The following CCDC66 variants were observed in gnomAD, a reference collection of about 807,000 sequenced individuals.
The protein encoded by CCDC66 is coiled-coil domain-containing protein 66.
Under a neutral mutation model 128.3 loss-of-function variants are expected in CCDC66, and 133 were observed. The ratio of observed to expected loss-of-function variants is 1.04; its 90% confidence interval spans 0.90 to 1.20. The LOEUF (loss-of-function observed/expected upper bound fraction) is 1.20, where lower values mean the gene tolerates loss of function less well. Ranked by LOEUF, CCDC66 falls within the 50% of genes most tolerant of loss-of-function variation. The pLI is 0.00. For synonymous variants in CCDC66, 387 were observed against 357.0 expected (o/e 1.08, Z -0.95); for missense variants, 1,126 against 1,075.5 (o/e 1.05, Z -0.66).
intron 10 of CCDC66, among the ~76,000 whole-genome samples, chr3:56,612,886 T>C (rs2075037496): frequency 6.6e-6 from 1 of 152,170 alleles, no homozygotes; most frequent in Non-Finnish European, 1.5e-5. Context: ...CAAGGTGTTG[T>C]GTGCAGTGCT....
intron 10 of CCDC66, among the ~76,000 whole-genome samples, chr3:56,599,979 G>T (rs1483144743): frequency 1.3e-5 from 2 of 151,988 alleles, no homozygotes; most frequent in Non-Finnish European, 2.9e-5. Flanking sequence ...ATGGTTTCCA[G>T]CTTCATCCAT....
At chr3:56,576,914 A>G (rs1200044144) in intron 7 of CCDC66, among the ~76,000 whole-genome samples, 1 of 151,824 alleles carries the variant, frequency 6.6e-6, no homozygotes, top group East Asian at 2.0e-4. Flanking sequence ...AGCATGATTT[A>G]TAATCCTTTG....
chr3:56,621,496 C>T, intron 17 of CCDC66, 36 bp from the exon 18 acceptor site: 1 of 1,336,106 alleles, frequency 7.5e-7, no homozygotes, highest in Middle Eastern at 1.9e-4. Context: ...CAGGTGTGCA[C>T]ATTTTACTAA....
At chr3:56,590,944 T>C (rs1332887167) in intron 7 of CCDC66, among the ~76,000 whole-genome samples, 6 of 152,122 alleles carry the variant, frequency 3.9e-5, no homozygotes, top group South Asian at 2.1e-4. Context: ...GTCAAAACAA[T>C]TGTTACAGTG....
At position 56,617,101 on chromosome 3, in the gene CCDC66, CTTT is replaced by C. The variant is rs576848832; in HGVS notation, c.1844-5_1844-3del. ...TACAATTTTTAAAAATCATTTGCAA[CTTT>C]TTTTTAGATGACTTAAATATAGGAA... is the stretch of plus-strand genomic sequence containing the variant. On this transcript the variant is annotated splice_region_variant and splice_polypyrimidine_tract_variant and intron_variant, in intron 13 of 17. Transcript: ENST00000394672. The C allele has an allele frequency of 1.3e-6, 2 of 1,494,478 alleles. No homozygotes were observed. Among genetic ancestry groups the C allele is most frequent in the East Asian group, 2.4e-5 (1 of 42,018 alleles). The allele number at this position is 1,494,478 out of a possible 1,614,324, so 92.6% of individuals were successfully genotyped here.
chr3:56,607,623 C>T (rs1354638610), intron 10 of CCDC66, among the ~76,000 whole-genome samples: 3 of 151,990 alleles, frequency 2.0e-5, no homozygotes, highest in African/African-American at 7.2e-5. Flanking sequence ...ATTTGGATGC[C>T]CTTTATTTAT....
intron 14 of CCDC66, 192 bp downstream of exon 14, chr3:56,617,797 C>A (rs931318231): frequency 1.1e-5 from 7 of 633,058 alleles, no homozygotes. Context: ...TCAACTCATT[C>A]TTTTATGAAT....
At chr3:56,604,763 G>C (rs2073813707) in intron 10 of CCDC66, among the ~76,000 whole-genome samples, 1 of 151,764 alleles carries the variant, frequency 6.6e-6, no homozygotes, top group African/African-American at 2.4e-5. Context: ...TGTGTCTTTG[G>C]GTTGCTCTTC....
intron 7 of CCDC66, among the ~76,000 whole-genome samples, chr3:56,579,356 C>T (rs970720581): frequency 6.6e-6 from 1 of 151,692 alleles, no homozygotes; most frequent in Non-Finnish European, 1.5e-5. Flanking sequence ...TTCAAAAAAC[C>T]AGCTCCTGGA....
At chr3:56,605,386 G>A (rs1366576690) in intron 10 of CCDC66, among the ~76,000 whole-genome samples, 1 of 152,018 alleles carries the variant, frequency 6.6e-6, no homozygotes, top group African/African-American at 2.4e-5. Flanking sequence ...TTTTGTGCTG[G>A]TTTCTCCCCA....
chr3:56,564,803 TG>T (rs1396804434), intron 4 of CCDC66, among the ~76,000 whole-genome samples: 1 of 152,186 alleles, frequency 6.6e-6, no homozygotes, highest in African/African-American at 2.4e-5. Flanking sequence ...ACAGTTCACA[TG>T]GAGAGGCCCC....
intron 1 of CCDC66, chr3:56,557,625 G>A: frequency 3.9e-6 from 1 of 258,026 alleles, no homozygotes; most frequent in Non-Finnish European, 7.4e-6. Flanking sequence ...CGGGTTCTTC[G>A]CCACCTTGTT....
rs775723889 is a variant in CCDC66 at position 56,619,529 on chromosome 3, TA to T, written c.2635+4del. The T allele has an allele frequency of 2.3e-5, 37 of 1,601,054 alleles. No homozygotes were observed. The South Asian group carries it at 3.7e-4, about 16-fold the overall frequency. On this transcript the variant is annotated splice_donor_region_variant and intron_variant, in intron 16 of 17. Coordinates refer to ENST00000394672, the MANE Select transcript of CCDC66 (RefSeq NM_001141947.3). The stretch of plus-strand genomic sequence containing the variant: ...ACCCTCAGTACCAAAATTCACAAGG[TA>T]AGTAAATATTAAGCATTCTAACTGT...
intron 4 of CCDC66, among the ~76,000 whole-genome samples, chr3:56,564,360 T>C (rs2065507705): frequency 6.6e-6 from 1 of 152,176 alleles, no homozygotes; most frequent in African/African-American, 2.4e-5. Flanking sequence ...CTGTGGATTT[T>C]AGAAAAAATG....
chr3:56,599,302 C>A (rs891938126), intron 10 of CCDC66, among the ~76,000 whole-genome samples: 5 of 151,890 alleles, frequency 3.3e-5, no homozygotes, highest in African/African-American at 1.2e-4. Context: ...GGTCTTCTCT[C>A]TTCGGTTCTT....
intron 15 of CCDC66, chr3:56,618,480 T>C (rs573542479): frequency 5.4e-6 from 2 of 373,678 alleles, no homozygotes; most frequent in South Asian, 1.5e-4. Context: ...ATTCCAGGTA[T>C]GTCATTAGCA....
intron 4 of CCDC66, 31 bp downstream of exon 4, chr3:56,564,156 T>C: frequency 6.5e-7 from 1 of 1,536,852 alleles, no homozygotes; most frequent in Non-Finnish European, 8.8e-7. Context: ...TCATGAATTT[T>C]GATTTTTTCA....
chr3:56,601,862 A>G (rs2073225090), intron 10 of CCDC66, among the ~76,000 whole-genome samples: 1 of 151,948 alleles, frequency 6.6e-6, no homozygotes, highest in Admixed American at 6.6e-5. Context: ...GCTTAAGGAG[A>G]TTTGGGGCTG....
At position 56,557,269 on chromosome 3, in the gene CCDC66, C is replaced by CAGGGG. The variant is rs1553652233; in HGVS notation, c.11+16_11+17insAGGGG. 1.4e-5 allele frequency: 21 copies of CAGGGG among 1,548,432 alleles called. No individual in the cohort carries two copies. The highest frequency in any genetic ancestry group is 5.6e-5 in the African/African-American group (4 of 71,522). On this transcript the variant is annotated intron_variant, in intron 1 of 17. Coordinates refer to ENST00000394672, the MANE Select transcript of CCDC66 (RefSeq NM_001141947.3). Reference sequence around the variant, plus strand: ...TGAACTTGGGGTAAGCAGGGGTAAGCTGGGGTAAGCTGGGGTAAGCAAGGT... The same window carrying CAGGGG: ...TGAACTTGGGGTAAGCAGGGGTAAGCAGGGGTGGGGTAAGCTGGGGTAAGCAAGGT...
Sources: gnomAD v4.1 joint callset for allele counts (sites outside exome capture counted in the v4.1 genomes callset) on GRCh38, gnomAD v4.1.1 for gene constraint, MANE v1.5 for transcripts, NCBI Gene and HGNC (gene_info 2026-07-23, HGNC 2026-07-21) for gene names.